SHANK2: variants seen among roughly 807,000 people sequenced by gnomAD.
SHANK2 encodes SH3 and multiple ankyrin repeat domains 2, also known as SH3 and multiple ankyrin repeat domains protein 2.
Under a neutral mutation model 133.7 loss-of-function variants are expected in SHANK2, and 43 were observed. The ratio of observed to expected loss-of-function variants is 0.32; its 90% CI spans 0.25 to 0.41. The LOEUF is 0.41. Among genes scored for constraint, SHANK2 ranks in the 10% least tolerant of loss-of-function variants. SHANK2 has a pLI of 1.00. For synonymous variants in SHANK2, 1,017 were observed against 952.8 expected, an observed-to-expected ratio of 1.07 and a Z score of -1.24; for missense variants, 1,994 against 2,235.8, an observed-to-expected ratio of 0.89 and a Z score of 2.18.
intron 14 of SHANK2, among the ~76,000 whole-genome samples, chr11:70,751,182 A>G (rs1466205178): frequency 2.0e-5 from 3 of 152,248 alleles, no homozygotes; most frequent in African/African-American, 7.2e-5. Flanking sequence ...AAGAAGCTCA[A>G]TGCATCCTAA....
intron 6 of SHANK2, among the ~76,000 whole-genome samples, chr11:71,099,837 A>G (rs1231395077): frequency 6.6e-6 from 1 of 152,148 alleles, no homozygotes; most frequent in African/African-American, 2.4e-5. Context: ...GGATCATTTG[A>G]GCTCAGGAGT....
At chr11:71,077,954 C>G (rs879198485) in intron 8 of SHANK2, among the ~76,000 whole-genome samples, 1 of 152,014 alleles carries the variant, frequency 6.6e-6, no homozygotes, top group Admixed American at 6.5e-5. Context: ...AATGTGGATG[C>G]CTGTGTGTCT....
At chr11:71,147,843 T>C (rs1170069745) in intron 2 of SHANK2, among the ~76,000 whole-genome samples, 1 of 152,118 alleles carries the variant, frequency 6.6e-6, no homozygotes, top group East Asian at 1.9e-4. Flanking sequence ...CACAGAGCAA[T>C]GATAGGTACC....
At chr11:70,563,765 C>T (rs897938057) in intron 17 of SHANK2, among the ~76,000 whole-genome samples, 5 of 151,886 alleles carry the variant, frequency 3.3e-5, no homozygotes, top group Non-Finnish European at 4.4e-5. Context: ...CTTGAACTCC[C>T]GACCCCAGGC....
chr11:71,174,448 G>A (rs1555112764), intron 2 of SHANK2, among the ~76,000 whole-genome samples: 3 of 152,090 alleles, frequency 2.0e-5, no homozygotes, highest in East Asian at 1.9e-4. Flanking sequence ...TTGGGAGGCC[G>A]AGGCAGGCGG....
Position 70,485,006 on chromosome 11 carries a change from G to A in SHANK2, c.4979+308C>T, listed in dbSNP as rs781947731. On this transcript the variant is annotated intron_variant, in intron 25 of 25. Coordinates refer to ENST00000601538, the MANE Select transcript of SHANK2 (RefSeq NM_012309.5). The surrounding 1 kb of genome is among the most constrained non-coding windows in gnomAD (Gnocchi z 5.8). ...AGGTGGTCCTGGCAGAGATCTGGAGGGCACAGAAGAGAGAGTAGAGCTTCT... is the reference window on the plus strand; with the variant it reads ...AGGTGGTCCTGGCAGAGATCTGGAGAGCACAGAAGAGAGAGTAGAGCTTCT... 1.3e-5 allele frequency among the ~76,000 whole-genome samples: 2 copies of A among 152,174 alleles called. No homozygotes were observed. The highest frequency in any genetic ancestry group is 2.9e-5 in the Non-Finnish European group (2 of 68,036).
intron 14 of SHANK2, among the ~76,000 whole-genome samples, chr11:70,775,461 A>T (rs1386312092): frequency 6.6e-6 from 1 of 152,174 alleles, no homozygotes; most frequent in Non-Finnish European, 1.5e-5. Context: ...GTCTCAAATG[A>T]ATGAGAAAAA....
chr11:71,137,475 C>T (rs1952467209), intron 3 of SHANK2, among the ~76,000 whole-genome samples: 1 of 152,018 alleles, frequency 6.6e-6, no homozygotes. Context: ...GGCCCAGCCC[C>T]CCCAAAGGAG....
At chr11:70,726,264 T>A (rs1322067886) in intron 14 of SHANK2, among the ~76,000 whole-genome samples, 1 of 151,968 alleles carries the variant, frequency 6.6e-6, no homozygotes, top group Non-Finnish European at 1.5e-5. Context: ...TGGGGCTGGG[T>A]TTGGAAGCTG....
chr11:71,194,063 C>T (rs1591007369), intron 2 of SHANK2, among the ~76,000 whole-genome samples: 2 of 152,168 alleles, frequency 1.3e-5, no homozygotes, highest in African/African-American at 4.8e-5. Context: ...AGAGCAAGAT[C>T]GTTCCCATTT....
intron 11 of SHANK2, among the ~76,000 whole-genome samples, chr11:70,859,841 C>A (rs1590766220): frequency 6.6e-6 from 1 of 152,194 alleles, no homozygotes; most frequent in African/African-American, 2.4e-5. Context: ...CCTATCAGGG[C>A]TAAACACGAG....
intron 17 of SHANK2, among the ~76,000 whole-genome samples, chr11:70,648,843 A>G (rs1272738933): frequency 6.6e-6 from 1 of 151,846 alleles, no homozygotes; most frequent in East Asian, 1.9e-4. Context: ...TCCTTTCCTT[A>G]AGGAATATTT....
chr11:71,205,566 G>A (rs1206847402), intron 2 of SHANK2, among the ~76,000 whole-genome samples: 2 of 152,194 alleles, frequency 1.3e-5, no homozygotes, highest in African/African-American at 4.8e-5. Context: ...AGTCCCTCTA[G>A]CTGTTTGTTA....
At chr11:71,233,135 C>A (rs542897480) in intron 1 of SHANK2, among the ~76,000 whole-genome samples, 1 of 140,562 alleles carries the variant, frequency 7.1e-6, no homozygotes, top group Non-Finnish European at 1.5e-5. Flanking sequence ...GTACAGGAGA[C>A]CCCATCTCTA....
chr11:70,876,177 T>TATATACACACACGTATATACATA (rs1949558413), intron 11 of SHANK2, among the ~76,000 whole-genome samples: 3 of 150,754 alleles, frequency 2.0e-5, no homozygotes. Flanking sequence ...TATATATACA[T>TATATACACACACGTATATACATA]ATATACACAC....
intron 14 of SHANK2, among the ~76,000 whole-genome samples, chr11:70,742,251 A>G (rs1238675505): frequency 6.6e-6 from 1 of 151,932 alleles, no homozygotes; most frequent in African/African-American, 2.4e-5. Context: ...TCTGCTGGCA[A>G]TCTCCTACTC....
At chr11:70,950,350 C>G (rs1450499827) in intron 10 of SHANK2, among the ~76,000 whole-genome samples, 3 of 151,720 alleles carry the variant, frequency 2.0e-5, no homozygotes, top group African/African-American at 4.8e-5. Flanking sequence ...CCCATCACAC[C>G]CAGCTAACTT....
intron 15 of SHANK2, among the ~76,000 whole-genome samples, chr11:70,692,905 C>G (rs1945319690): frequency 6.6e-6 from 1 of 152,198 alleles, no homozygotes; most frequent in Non-Finnish European, 1.5e-5. Context: ...AACAGATGCT[C>G]AGCACCTTCT....
At chr11:70,798,833 C>T (rs1555049825) in intron 13 of SHANK2, among the ~76,000 whole-genome samples, 1 of 152,132 alleles carries the variant, frequency 6.6e-6, no homozygotes, top group African/African-American at 2.4e-5. Flanking sequence ...TATCTGACAC[C>T]ACGTCATATG....
Sources: allele counts gnomAD v4.1 joint callset (sites outside exome capture counted in the v4.1 genomes callset), GRCh38; gene constraint gnomAD v4.1.1; non-coding constraint Gnocchi (gnomAD v3.1); transcripts MANE v1.5; gene names NCBI Gene and HGNC (gene_info 2026-07-23, HGNC 2026-07-21).